Variants in CERS6 observed in about 807,000 individuals in gnomAD.
CERS6 encodes the protein LAG1 homolog, ceramide synthase 6.
In CERS6, 26 loss-of-function variants were observed where a neutral mutation model predicts 56.8. The observed-to-expected ratio is 0.46, with a 90% CI of 0.34 to 0.63. The LOEUF is 0.63. CERS6 is among the 30% of genes least tolerant of loss of function. The pLI is 0.01. For missense variants in CERS6, 415 were observed against 467.5 expected (o/e 0.89, Z 1.04); for synonymous variants, 164 against 173.3 (o/e 0.95, Z 0.42).
chr2:168,648,242 C>T (rs1010379765), intron 4 of CERS6, among the ~76,000 whole-genome samples: 6 of 152,030 alleles, frequency 3.9e-5, no homozygotes, highest in African/African-American at 1.5e-4. Context: ...CTAGTTCAGT[C>T]TTGGCGGGTA....
chr2:168,726,016 G>A (rs998365496), intron 8 of CERS6, among the ~76,000 whole-genome samples: 6 of 152,176 alleles, frequency 3.9e-5, no homozygotes, highest in Admixed American at 6.5e-5. Context: ...ACAATTTCCC[G>A]TAAAAGCTGT....
At chr2:168,665,349 TA>T in intron 4 of CERS6, among the ~76,000 whole-genome samples, 1 of 152,322 alleles carries the variant, frequency 6.6e-6, no homozygotes, top group East Asian at 1.9e-4. Flanking sequence ...ATAAGTTATT[TA>T]AACATTTACT....
intron 1 of CERS6, among the ~76,000 whole-genome samples, chr2:168,471,728 C>A (rs1230141906): frequency 4.6e-5 from 7 of 152,198 alleles, no homozygotes; most frequent in Non-Finnish European, 1.0e-4. Flanking sequence ...TAAGGAATTT[C>A]TTTCCTTTCA....
chr2:168,751,093 T>C (rs1019256833), intron 8 of CERS6, among the ~76,000 whole-genome samples: 1 of 152,158 alleles, frequency 6.6e-6, no homozygotes. Flanking sequence ...TAGCAGTGAC[T>C]TTGATCAAAA....
intron 1 of CERS6, among the ~76,000 whole-genome samples, chr2:168,484,165 C>CTTTTTT (rs1694229616): frequency 8.6e-5 from 4 of 46,368 alleles, no homozygotes; most frequent in Non-Finnish European, 1.8e-4. Context: ...TTTCTTTTTT[C>CTTTTTT]TGTTTTTTTT....
chr2:168,704,375 G>A (rs1231283444), intron 6 of CERS6, among the ~76,000 whole-genome samples: 1 of 152,078 alleles, frequency 6.6e-6, no homozygotes, highest in Non-Finnish European at 1.5e-5. Context: ...GGTGGCCCTT[G>A]GGAGGTTTGG....
At chr2:168,468,021 A>C (rs747838884) in intron 1 of CERS6, among the ~76,000 whole-genome samples, 1 of 152,162 alleles carries the variant, frequency 6.6e-6, no homozygotes, top group Non-Finnish European at 1.5e-5. Flanking sequence ...CAATCTTTTC[A>C]GCATTGTGCC....
At chr2:168,521,651 G>T (rs765867045) in intron 1 of CERS6, among the ~76,000 whole-genome samples, 17 of 152,190 alleles carry the variant, frequency 1.1e-4, no homozygotes, top group Admixed American at 3.9e-4. Context: ...TGAGTCAGAG[G>T]TGAAAGATGA....
At chr2:168,628,547 T>C (rs1369426313) in intron 3 of CERS6, among the ~76,000 whole-genome samples, 1 of 152,210 alleles carries the variant, frequency 6.6e-6, no homozygotes, top group Non-Finnish European at 1.5e-5. Context: ...TCACTGAAAC[T>C]GCCAGATTTC....
chr2:168,635,548 C>T (rs1164665249), intron 4 of CERS6, among the ~76,000 whole-genome samples: 1 of 152,202 alleles, frequency 6.6e-6, no homozygotes, highest in Non-Finnish European at 1.5e-5. Flanking sequence ...AGCAGAAGTG[C>T]GGCTTGCACA....
chr2:168,623,782 T>G lies in CERS6; in HGVS notation c.408-7203T>G, dbSNP rs183155587. The stretch of plus-strand genomic sequence containing the variant: ...CAGTATATCAGGTATCTGAGTTTTT[T>G]TCTGACACTTGTGGCATAGTTACCC... On this transcript the variant is annotated intron_variant, in intron 3 of 9. Transcript: ENST00000305747. 7.2e-5 allele frequency among the ~76,000 whole-genome samples: 11 copies of G among 152,338 alleles called. 1 individual carries two copies. The highest frequency in any genetic ancestry group is 2.6e-4 in the African/African-American group (11 of 41,586).
chr2:168,495,202 T>A (rs1393359159), intron 1 of CERS6, among the ~76,000 whole-genome samples: 1 of 152,186 alleles, frequency 6.6e-6, no homozygotes, highest in Non-Finnish European at 1.5e-5. Context: ...TTGTACCTAG[T>A]CAAAGTCATT....
Position 168,608,660 on chromosome 2 carries a change from G to A in CERS6, c.408-22325G>A, listed in dbSNP as rs79338969. 4.4e-3 allele frequency among the ~76,000 whole-genome samples: 672 copies of A among 152,158 alleles called. 7 individuals carry two copies. The highest frequency in any genetic ancestry group is 0.015 in the African/African-American group (626 of 41,514). On this transcript the variant is annotated intron_variant, in intron 3 of 9. Transcript: ENST00000305747. ...ATGTTGCATTATCATTTGATTATTG[G>A]TAATTTATGTATTGGTAGATATCTG...
rs61031993 is a variant in CERS6, at chr2:168,559,733, T to TTTTTTATATATATATATATA, written c.277-1459_277-1458insTTTTTATATATATATATATA. On this transcript the variant is annotated intron_variant, in intron 2 of 9. Transcript: ENST00000305747. The stretch of plus-strand genomic sequence containing the variant: ...TGCTTGAGCTGCTTTTAGAAAGGTA[T>TTTTTTATATATATATATATA]CATATATATATATATATATATTTCA... Among the ~76,000 whole-genome samples, 8 of 66,286 alleles carry TTTTTTATATATATATATATA rather than the reference T, an allele frequency of 1.2e-4. 1 individual carries two copies. In the East Asian group the frequency reaches 1.2e-3, roughly 10 times the overall value. 43.5% of individuals were successfully genotyped at this position (66,286 alleles called of 152,430 possible). A position where few individuals can be genotyped will look rare whatever the true frequency, so the allele number is the denominator to read the frequency against.
intron 1 of CERS6, among the ~76,000 whole-genome samples, chr2:168,528,977 T>C (rs1436429201): frequency 6.6e-6 from 1 of 151,104 alleles, no homozygotes; most frequent in Non-Finnish European, 1.5e-5. Flanking sequence ...TCTCTGTCTA[T>C]ATAAAGGAGT....
chr2:168,633,765 A>C (rs993577679), intron 4 of CERS6, among the ~76,000 whole-genome samples: 7 of 152,234 alleles, frequency 4.6e-5, no homozygotes, highest in African/African-American at 1.7e-4. Context: ...AAAACAAGGT[A>C]ATTCAAATCT....
At chr2:168,605,943 TG>T (rs1382307076) in intron 3 of CERS6, among the ~76,000 whole-genome samples, 1 of 152,178 alleles carries the variant, frequency 6.6e-6, no homozygotes, top group African/African-American at 2.4e-5. Flanking sequence ...AGGGGAAATG[TG>T]GGGTTAGAGC....
intron 1 of CERS6, among the ~76,000 whole-genome samples, chr2:168,472,774 A>G (rs2105326049): frequency 6.6e-6 from 1 of 152,332 alleles, no homozygotes; most frequent in East Asian, 1.9e-4. Flanking sequence ...CAGATTAAGG[A>G]TGTTAAATAG....
intron 4 of CERS6, among the ~76,000 whole-genome samples, chr2:168,656,621 C>T (rs999235771): frequency 6.6e-6 from 1 of 152,144 alleles, no homozygotes; most frequent in African/African-American, 2.4e-5. Context: ...AGGAGTGAAG[C>T]TGCAGATCTT....
Sources: allele counts gnomAD v4.1 joint callset (sites outside exome capture counted in the v4.1 genomes callset), GRCh38; gene constraint gnomAD v4.1.1; transcripts MANE v1.5; gene names NCBI Gene and HGNC (gene_info 2026-07-23, HGNC 2026-07-21).